ZNF880: variants seen among roughly 807,000 people sequenced by gnomAD.
ZNF880 encodes the protein zinc finger protein 880.
A neutral mutation model predicts 11.8 loss-of-function variants in ZNF880; 12 were observed. The observed-to-expected ratio is 1.02, with a 90% CI of 0.65 to 1.65. ZNF880 has a LOEUF of 1.65. ZNF880 is among the 40% of genes most tolerant of loss of function. The pLI is 0.00. For synonymous variants in ZNF880, 210 were observed against 232.4 expected (o/e 0.90, Z 0.88); for missense variants, 601 against 673.9 (o/e 0.89, Z 1.20).
At chr19:52,373,063 C>T (rs1488532640) in intron 1 of ZNF880, 48 bp from the exon 2 acceptor site, 4 of 1,605,194 alleles carry the variant, frequency 2.5e-6, no homozygotes, top group Admixed American at 1.7e-5. Flanking sequence ...ACAACTGTCT[C>T]CTCATTTTGT....
intron 1 of ZNF880, among the ~76,000 whole-genome samples, chr19:52,371,766 TA>T (rs1261732045): frequency 1.3e-5 from 2 of 152,190 alleles, no homozygotes; most frequent in African/African-American, 4.8e-5. Context: ...GCAAGTTTCT[TA>T]GAATGTCTGA....
At chr19:52,379,053 TAC>T (rs1212941480) in intron 3 of ZNF880, among the ~76,000 whole-genome samples, 1 of 151,970 alleles carries the variant, frequency 6.6e-6, no homozygotes, top group African/African-American at 2.4e-5. Context: ...CCAGCCTTAG[TAC>T]AGAGTGATAC....
intron 3 of ZNF880, 93 bp from the exon 4 acceptor site, chr19:52,383,756 C>T: frequency 1.5e-6 from 2 of 1,304,174 alleles, no homozygotes; most frequent in Non-Finnish European, 2.1e-6. Flanking sequence ...CTTCCCATGT[C>T]TGAGTCAGGT....
At chr19:52,377,390 A>C (rs1178412497) in intron 3 of ZNF880, among the ~76,000 whole-genome samples, 1 of 152,112 alleles carries the variant, frequency 6.6e-6, no homozygotes, top group Non-Finnish European at 1.5e-5. Context: ...CTTCTGGTCA[A>C]CCGAATGGGT....
At chr19:52,394,309 T>C in the ZNF880 span, among the ~76,000 whole-genome samples, 2 of 152,154 alleles carry the variant, frequency 1.3e-5, no homozygotes, top group South Asian at 4.1e-4. Flanking sequence ...CAATCTCAGC[T>C]ACTGCAACCT....
At chr19:52,370,083 C>T (rs1986318216) in intron 1 of ZNF880, 106 bp downstream of exon 1, 2 of 1,403,446 alleles carry the variant, frequency 1.4e-6, no homozygotes, top group African/African-American at 1.4e-5. Flanking sequence ...CGCATCGCTC[C>T]CTCCACCCCG....
In ZNF880 at chr19:52,375,500, A is replaced by G. The variant is rs531836490; in HGVS notation, c.268+1073A>G. Among the ~76,000 whole-genome samples, 3 of 150,858 alleles carry G rather than the reference A, an allele frequency of 2.0e-5. No homozygotes were observed. The South Asian group carries it at 6.2e-4, about 31-fold the overall frequency. ...AGCCACTGCTCCCGGGCATAATGTTATTATTATAATTATTTCAATAGGGTT... is the reference window on the plus strand; with the variant it reads ...AGCCACTGCTCCCGGGCATAATGTTGTTATTATAATTATTTCAATAGGGTT... On this transcript the variant is annotated intron_variant, in intron 3 of 3. Coordinates refer to ENST00000422689, the MANE Select transcript of ZNF880 (RefSeq NM_001145434.2).
At chr19:52,391,794 A>T in the ZNF880 span, among the ~76,000 whole-genome samples, 2 of 152,190 alleles carry the variant, frequency 1.3e-5, no homozygotes, top group Admixed American at 1.3e-4. Context: ...GACTTGACTC[A>T]TTCAGGTATG....
upstream of ZNF880, chr19:52,369,845 G>A (rs994992628): frequency 3.4e-5 from 45 of 1,304,654 alleles, no homozygotes; most frequent in Non-Finnish European, 4.8e-5. Flanking sequence ...GACGAGCTGG[G>A]AGCGAGGCGG....
At chr19:52,372,867 G>A (rs1182666848) in intron 1 of ZNF880, among the ~76,000 whole-genome samples, 34 of 135,314 alleles carry the variant, frequency 2.5e-4, no homozygotes, top group African/African-American at 9.0e-4. Flanking sequence ...CCAGGATCGC[G>A]CCACTGCACT....
Position 52,374,510 on chromosome 19 carries a change from G to A in ZNF880, c.268+83G>A, listed in dbSNP as rs141675218. 288 of 1,503,258 alleles carry A rather than the reference G, an allele frequency of 1.9e-4. No individual in the cohort carries two copies. In the African/African-American group the frequency reaches 3.2e-3, roughly 17 times the overall value. 93.1% of individuals were successfully genotyped at this position (1,503,258 alleles called of 1,614,324 possible). A position where few individuals can be genotyped will look rare whatever the true frequency, so the allele number is the denominator to read the frequency against. On this transcript the variant is annotated intron_variant, in intron 3 of 3. Transcript: ENST00000422689. ...GTCTTGCTCTGTCACCCAGGCTGTC[G>A]TAGAGTGGCAATCATCAGTGGCAAT...
intron 3 of ZNF880, among the ~76,000 whole-genome samples, chr19:52,381,676 T>C (rs1313770553): frequency 2.0e-5 from 3 of 152,182 alleles, no homozygotes; most frequent in Admixed American, 6.5e-5. Context: ...TCTTTCTTAC[T>C]GCCTTTTGTA....
downstream of ZNF880, among the ~76,000 whole-genome samples, chr19:52,388,584 G>A (rs1448613333): frequency 2.0e-5 from 3 of 151,884 alleles, no homozygotes; most frequent in Non-Finnish European, 4.4e-5. Context: ...CCGATAATTT[G>A]AACTTTTGAC....
At chr19:52,386,128 C>T (rs1460686932), downstream of ZNF880, among the ~76,000 whole-genome samples, 13 of 133,550 alleles carry the variant, frequency 9.7e-5, 2 homozygotes, top group East Asian at 4.2e-4. Flanking sequence ...TGAGCTATCA[C>T]GCCACTGCAC....
At chr19:52,369,846 A>G, upstream of ZNF880, 1 of 1,307,762 alleles carries the variant, frequency 7.6e-7, no homozygotes, top group Non-Finnish European at 1.1e-6. Context: ...ACGAGCTGGG[A>G]GCGAGGCGGA....
chr19:52,381,011 C>G (rs1211803132), intron 3 of ZNF880, among the ~76,000 whole-genome samples: 1 of 152,144 alleles, frequency 6.6e-6, no homozygotes, highest in African/African-American at 2.4e-5. Context: ...TCTTCTGGTT[C>G]TATCCATTTT....
intron 3 of ZNF880, among the ~76,000 whole-genome samples, chr19:52,383,417 G>A (rs1366203419): frequency 1.6e-5 from 2 of 127,496 alleles, no homozygotes; most frequent in Non-Finnish European, 1.7e-5. Context: ...TTGTGTAAGC[G>A]TTGTGCAGGA....
rs35788651 is a variant in ZNF880 at position 52,373,669 on chromosome 19, A to ATTTTT, written c.139+451_139+455dup. 7.1e-4 allele frequency among the ~76,000 whole-genome samples: 73 copies of ATTTTT among 102,548 alleles called. 1 individual carries two copies. The highest frequency in any genetic ancestry group is 0.016 in the Middle Eastern group (2 of 126). 67.3% of individuals were successfully genotyped at this position (102,548 alleles called of 152,430 possible). Reference sequence around the variant, plus strand: ...GGATGAATTCATGTGAAATACTGTAATTTTTTTTTTTTTTTTTTTTTTTGA... The same window carrying ATTTTT: ...GGATGAATTCATGTGAAATACTGTAATTTTTTTTTTTTTTTTTTTTTTTTTTTTGA... On this transcript the variant is annotated intron_variant, in intron 2 of 3. Coordinates refer to ENST00000422689, the MANE Select transcript of ZNF880 (RefSeq NM_001145434.2).
upstream of ZNF880, chr19:52,367,741 C>T (rs548179022): frequency 6.6e-6 from 1 of 152,096 alleles, no homozygotes; most frequent in African/African-American, 2.4e-5. Flanking sequence ...CCTTGTACAC[C>T]CTCAAATGTG....
Sources: gnomAD v4.1 joint callset for allele counts (sites outside exome capture counted in the v4.1 genomes callset) on GRCh38, gnomAD v4.1.1 for gene constraint, MANE v1.5 for transcripts, NCBI Gene and HGNC (gene_info 2026-07-23, HGNC 2026-07-21) for gene names.